DNMT3A: variants seen among roughly 807,000 people sequenced by gnomAD.
DNMT3A encodes DNA methyltransferase 3 alpha.
Under a neutral mutation model 117.6 loss-of-function variants are expected in DNMT3A, and 267 were observed. That is an observed-to-expected ratio of 2.27 (90% CI 2.05 to 2.51). The LOEUF is 2.51. DNMT3A is among the 30% of genes most tolerant of loss of function. DNMT3A has a pLI of 0.00. For synonymous variants in DNMT3A, 432 were observed against 474.8 expected (o/e 0.91, Z 1.17); for missense variants, 1,029 against 1,260.2 (o/e 0.82, Z 2.78).
chr2:25,243,926 C>T lies in DNMT3A; in HGVS notation c.1908G>A (p.Val636=), dbSNP rs763147762. 1.3e-6 allele frequency: 2 copies of T among 1,552,204 alleles called. No homozygotes were observed. Among genetic ancestry groups the T allele is most frequent in the South Asian group, 2.4e-5 (2 of 84,084 alleles). Residue 636 remains valine, a synonymous_variant, in exon 16 of 23, where the codon GTG becomes GTA. Coordinates refer to ENST00000321117, the MANE Select transcript of DNMT3A (RefSeq NM_022552.5). ...TAGCGATTCCATCAAAGAGAGACAG[C>T]ACCCGGATGGGCTTCCTCTTCTCAG... ...VPAEKRKPIR[V]LSLFDGIATG... is the part of the protein sequence containing the mutation.
chr2:25,235,184 C>CTTTTT (rs775705977), intron 22 of DNMT3A, among the ~76,000 whole-genome samples: 2 of 144,550 alleles, frequency 1.4e-5, no homozygotes, highest in Admixed American at 1.4e-4. Context: ...CTAGACTCCT[C>CTTTTT]TTTTTTTTTT....
Position 25,252,092 on chromosome 2 carries a change from C to T in DNMT3A, c.640-3840G>A. On this transcript the variant is annotated intron_variant, in intron 6 of 22. Transcript: ENST00000321117. The surrounding 1 kb of genome is among the most constrained non-coding windows in gnomAD (Gnocchi z 5.5). ...CCGCGGCTGCTGCGGGCCGGGGAGG[C>T]ATACTTCACTCTTTTCAAACCCGGA... is the stretch of plus-strand genomic sequence containing the variant. The T allele has an allele frequency of 6.3e-6, 9 of 1,429,238 alleles. No homozygotes were observed. The highest frequency in any genetic ancestry group is 1.3e-5 in the South Asian group (1 of 78,118). 88.5% of individuals were successfully genotyped at this position (1,429,238 alleles called of 1,614,324 possible). A position where few individuals can be genotyped will look rare whatever the true frequency, so the allele number is the denominator to read the frequency against.
chr2:25,338,913 A>C (rs900689727), intron 1 of DNMT3A, among the ~76,000 whole-genome samples: 1 of 152,124 alleles, frequency 6.6e-6, no homozygotes, highest in Non-Finnish European at 1.5e-5. Flanking sequence ...CTTGAAAAGG[A>C]AACCTCAGAA....
At chr2:25,235,660 A>C in intron 22 of DNMT3A, 47 bp downstream of exon 22, 1 of 1,486,824 alleles carries the variant, frequency 6.7e-7, no homozygotes. Context: ...CAAGCACAGC[A>C]ATCAGAACAG....
rs569929180 is a variant in DNMT3A, at chr2:25,294,578, G to A, written c.177+5561C>T. The stretch of plus-strand genomic sequence containing the variant: ...AGGTCCGGAGGGTTAGCCCAGGAGC[G>A]GCTCTGATCTGAAAACAAGCAGGGC... On this transcript the variant is annotated intron_variant, in intron 3 of 22. Coordinates refer to ENST00000321117, the MANE Select transcript of DNMT3A (RefSeq NM_022552.5). The surrounding 1 kb of genome is among the most constrained non-coding windows in gnomAD (Gnocchi z 4.7). 1.3e-4 allele frequency among the ~76,000 whole-genome samples: 20 copies of A among 152,270 alleles called. No homozygotes were observed. Among genetic ancestry groups the A allele is most frequent in the Middle Eastern group, 6.8e-3 (2 of 294 alleles).
Position 25,236,803 on chromosome 2 carries a change from G to T in DNMT3A, c.2478+133C>A. The T allele has an allele frequency of 2.1e-6, 2 of 951,866 alleles. No individual in the cohort carries two copies. The highest frequency in any genetic ancestry group is 3.1e-6 in the Non-Finnish European group (2 of 646,508). The allele number at this position is 951,866 out of a possible 1,614,324, so 59.0% of individuals were successfully genotyped here. The stretch of plus-strand genomic sequence containing the variant: ...TCTGGCTGCCCTGCTGCATGACCCT[G>T]CACCGTCTCCTAAATTGCATTCTCC... On this transcript the variant is annotated intron_variant, in intron 21 of 22. Coordinates refer to ENST00000321117, the MANE Select transcript of DNMT3A (RefSeq NM_022552.5). The surrounding 1 kb of genome is among the most constrained non-coding windows in gnomAD (Gnocchi z 4.5).
intron 6 of DNMT3A, among the ~76,000 whole-genome samples, chr2:25,255,027 G>A (rs1675997334): frequency 6.6e-6 from 1 of 152,086 alleles, no homozygotes; most frequent in South Asian, 2.1e-4. Flanking sequence ...TTCCCAACAA[G>A]CAAAAGGAAG....
intron 2 of DNMT3A, among the ~76,000 whole-genome samples, chr2:25,312,197 C>A (rs1016624889): frequency 6.6e-6 from 1 of 152,210 alleles, no homozygotes; most frequent in Non-Finnish European, 1.5e-5. Flanking sequence ...TCAGCCATGG[C>A]CACAGTTGCC....
At position 25,331,065 on chromosome 2, in the gene DNMT3A, C is replaced by T. The variant is rs541799831; in HGVS notation, c.-178+10761G>A. Among the ~76,000 whole-genome samples the T allele has an allele frequency of 2.2e-4, 34 of 152,266 alleles. No individual in the cohort carries two copies. In the South Asian group the frequency reaches 6.6e-3, roughly 30 times the overall value. The stretch of plus-strand genomic sequence containing the variant: ...GAAGGAAAAAATATCCAGGTTTAGT[C>T]CAAGAAGCAATGCTCAAAACAAACA... On this transcript the variant is annotated intron_variant, in intron 1 of 22. Transcript: ENST00000321117.
intron 2 of DNMT3A, among the ~76,000 whole-genome samples, chr2:25,309,822 G>A (rs1463744050): frequency 6.6e-6 from 1 of 152,190 alleles, no homozygotes; most frequent in Non-Finnish European, 1.5e-5. Flanking sequence ...GAGAGGCCGA[G>A]GCGGGTGGAT....
intron 1 of DNMT3A, among the ~76,000 whole-genome samples, chr2:25,318,702 T>C (rs372642156): frequency 1.3e-5 from 2 of 148,700 alleles, no homozygotes; most frequent in South Asian, 4.3e-4. Context: ...TCTTTTCTTT[T>C]TTTTTTTTTT....
intron 1 of DNMT3A, among the ~76,000 whole-genome samples, chr2:25,331,391 CTTCTT>C (rs2035007482): frequency 6.6e-6 from 1 of 152,220 alleles, no homozygotes; most frequent in Non-Finnish European, 1.5e-5. Context: ...ACAGTTTTTG[CTTCTT>C]TTCTGTTTGC....
chr2:25,244,055 A>G (rs1220001787), intron 15 of DNMT3A, 73 bp from the exon 16 acceptor site: 16 of 1,577,996 alleles, frequency 1.0e-5, no homozygotes, highest in Non-Finnish European at 1.4e-5. Context: ...CTGGCCCTCC[A>G]GCCAGGCTCC....
At chr2:25,272,444 T>G (rs920629349) in intron 6 of DNMT3A, among the ~76,000 whole-genome samples, 6 of 152,214 alleles carry the variant, frequency 3.9e-5, no homozygotes, top group Non-Finnish European at 7.4e-5. Context: ...TTGAGAATCA[T>G]GGAATTTCTG....
At chr2:25,340,222 C>T (rs1385054712) in intron 1 of DNMT3A, among the ~76,000 whole-genome samples, 3 of 152,138 alleles carry the variant, frequency 2.0e-5, no homozygotes, top group Non-Finnish European at 4.4e-5. Flanking sequence ...AGGGGGCTCC[C>T]CTCAGGAGCC....
In DNMT3A at chr2:25,247,046, C is replaced by A; in HGVS notation, c.1122+5G>T. The A allele has an allele frequency of 6.2e-7, 1 of 1,613,584 alleles. No individual in the cohort carries two copies. The highest frequency in any genetic ancestry group is 8.5e-7 in the Non-Finnish European group (1 of 1,179,694). ...CTCCTCCGAGCTCCCAGCAGGGACA[C>A]TCACCTGCAGGACCTCGTAGATGGC... On this transcript the variant is annotated splice_donor_5th_base_variant and intron_variant, in intron 9 of 22. Transcript: ENST00000321117. The surrounding 1 kb of genome is among the most constrained non-coding windows in gnomAD (Gnocchi z 5.6).
chr2:25,265,764 A>G (rs2030277125), intron 6 of DNMT3A, among the ~76,000 whole-genome samples: 1 of 151,788 alleles, frequency 6.6e-6, no homozygotes, highest in Non-Finnish European at 1.5e-5. Context: ...GGTTGCAGTG[A>G]GCTGAGATCA....
intron 3 of DNMT3A, among the ~76,000 whole-genome samples, chr2:25,285,962 C>T (rs1325130407): frequency 6.6e-6 from 1 of 152,238 alleles, no homozygotes. Context: ...GCGTGGGGTC[C>T]TGCCTGGCTA....
rs1201277141 is a variant in DNMT3A, at chr2:25,247,845, G to A, written c.856-96C>T. On this transcript the variant is annotated intron_variant, in intron 7 of 22. Transcript: ENST00000321117. This position sits in a 1 kb window ranked among gnomAD's most constrained non-coding sequence, Gnocchi z 5.6. ...AACCCCAGCCCTGGGCATCTGGGGG[G>A]CAGGACAGCCAGGAGGGAGCTCCAT... 12 of 1,554,622 alleles carry A rather than the reference G, an allele frequency of 7.7e-6. No homozygotes were observed. The highest frequency in any genetic ancestry group is 1.9e-5 in the Admixed American group (1 of 52,680).
Sources: allele counts gnomAD v4.1 joint callset (sites outside exome capture counted in the v4.1 genomes callset), GRCh38; gene constraint gnomAD v4.1.1; non-coding constraint Gnocchi (gnomAD v3.1); transcripts MANE v1.5; gene names NCBI Gene and HGNC (gene_info 2026-07-23, HGNC 2026-07-21).